Variants in CSNK1G1 observed in about 807,000 individuals in gnomAD.
CSNK1G1 encodes casein kinase I isoform gamma-1.
CSNK1G1 carries 22 observed loss-of-function variants against 59.6 expected under a neutral mutation model. The ratio of observed to expected loss-of-function variants is 0.37; its 90% confidence interval spans 0.26 to 0.53. CSNK1G1 has a LOEUF of 0.53. Among genes scored for constraint, CSNK1G1 ranks in the 20% least tolerant of loss-of-function variants. The probability of loss-of-function intolerance (pLI) is 0.89; values close to 1 mark genes in which losing one functional copy is unlikely to be tolerated. For synonymous variants in CSNK1G1, 179 were observed against 177.1 expected (o/e 1.01, Z -0.08); for missense variants, 384 against 519.5 (o/e 0.74, Z 2.54).
At chr15:64,230,146 C>T (rs954959923) in intron 4 of CSNK1G1, among the ~76,000 whole-genome samples, 3 of 151,356 alleles carry the variant, frequency 2.0e-5, no homozygotes, top group Non-Finnish European at 2.9e-5. Context: ...GATCACCTGA[C>T]GCGCTGGGCC....
chr15:64,354,403 T>C (rs1183749633), intron 1 of CSNK1G1, among the ~76,000 whole-genome samples: 1 of 152,246 alleles, frequency 6.6e-6, no homozygotes, highest in Non-Finnish European at 1.5e-5. Flanking sequence ...TTTACATACA[T>C]TACTTTTTCA....
chr15:64,340,197 C>T (rs1392288261), intron 1 of CSNK1G1, among the ~76,000 whole-genome samples: 2 of 152,148 alleles, frequency 1.3e-5, no homozygotes, highest in East Asian at 1.9e-4. Context: ...TGTTACCTCT[C>T]GCATTACAGA....
rs180901472 is a variant in CSNK1G1, at chr15:64,346,857, T to C, written c.-225+9131A>G. Among the ~76,000 whole-genome samples, 593 of 152,206 alleles carry C rather than the reference T, an allele frequency of 3.9e-3. 7 individuals carry two copies. Among genetic ancestry groups the C allele is most frequent in the African/African-American group, 0.014 (568 of 41,534 alleles). Reference sequence around the variant, plus strand: ...AACTTCTGCACTATGAAAGGCACTATTAAGAGAATAAAAAGACAAGCCATA... The same window carrying C: ...AACTTCTGCACTATGAAAGGCACTACTAAGAGAATAAAAAGACAAGCCATA... On this transcript the variant is annotated intron_variant, in intron 1 of 11. Transcript: ENST00000303052.
Position 64,266,068 on chromosome 15 carries a change from CT to C in CSNK1G1, c.182-6828del, listed in dbSNP as rs528601412. 1.8e-3 allele frequency among the ~76,000 whole-genome samples: 262 copies of C among 145,922 alleles called. 1 individual carries two copies. The highest frequency in any genetic ancestry group is 3.6e-3 in the Admixed American group (52 of 14,554). On this transcript the variant is annotated intron_variant, in intron 2 of 11. Coordinates refer to ENST00000303052, the MANE Select transcript of CSNK1G1 (RefSeq NM_022048.5). Reference sequence around the variant, plus strand: ...GAGGTGACAAAACAAGACCTTGTCTCTTTTTTTTTTTTGGAGACAGAGTCTC... The same window carrying C: ...GAGGTGACAAAACAAGACCTTGTCTCTTTTTTTTTTTGGAGACAGAGTCTC...
intron 11 of CSNK1G1, among the ~76,000 whole-genome samples, chr15:64,178,224 G>A (rs1311262578): frequency 4.6e-5 from 7 of 152,086 alleles, no homozygotes; most frequent in South Asian, 4.1e-4. Context: ...TATGGAAATC[G>A]AAAAACTGTG....
At chr15:64,260,703 ACTCCAG>A (rs1256589599) in intron 2 of CSNK1G1, among the ~76,000 whole-genome samples, 1 of 152,096 alleles carries the variant, frequency 6.6e-6, no homozygotes, top group Non-Finnish European at 1.5e-5. Flanking sequence ...ACACCACTGT[ACTCCAG>A]CCTGGGCAAC....
intron 2 of CSNK1G1, among the ~76,000 whole-genome samples, chr15:64,270,901 T>C (rs927019956): frequency 3.3e-5 from 5 of 152,226 alleles, no homozygotes; most frequent in African/African-American, 1.2e-4. Context: ...GTAGGTTGTT[T>C]AATTTCCATG....
intron 4 of CSNK1G1, among the ~76,000 whole-genome samples, chr15:64,237,446 C>A (rs1372626794): frequency 6.6e-6 from 1 of 152,086 alleles, no homozygotes; most frequent in Non-Finnish European, 1.5e-5. Flanking sequence ...AATTTTCTAC[C>A]CAAATGAAGA....
intron 1 of CSNK1G1, among the ~76,000 whole-genome samples, chr15:64,316,476 C>CA (rs1292023529): frequency 7.4e-6 from 1 of 135,200 alleles, no homozygotes; most frequent in African/African-American, 2.8e-5. Context: ...GTGGAGGGTG[C>CA]AGTAAGCTGA....
In CSNK1G1 at chr15:64,180,461, C is replaced by A; in HGVS notation, c.1108-7G>T. 6.2e-7 allele frequency: 1 copy of A among 1,609,426 alleles called. No individual in the cohort carries two copies. Among genetic ancestry groups the A allele is most frequent in the Non-Finnish European group, 8.5e-7 (1 of 1,175,814 alleles). On this transcript the variant is annotated splice_polypyrimidine_tract_variant and splice_region_variant and intron_variant, in intron 10 of 11. Transcript: ENST00000303052. ...CATTGGTTGAGCTAACCACCTGAAA[C>A]AGAAAGACAGAAGTGTGTGACAGGC...
intron 2 of CSNK1G1, among the ~76,000 whole-genome samples, chr15:64,283,080 T>C (rs540984114): frequency 6.6e-6 from 1 of 152,186 alleles, no homozygotes; most frequent in Non-Finnish European, 1.5e-5. Flanking sequence ...AGGTGATGGG[T>C]GCACCAAAAT....
At chr15:64,349,018 T>C (rs892439334) in intron 1 of CSNK1G1, among the ~76,000 whole-genome samples, 2 of 151,772 alleles carry the variant, frequency 1.3e-5, no homozygotes, top group Admixed American at 6.6e-5. Context: ...GCACCTGTAA[T>C]TCCAGCTACT....
At position 64,167,898 on chromosome 15, in the gene CSNK1G1, A is replaced by G. The variant is rs1044790303; in HGVS notation, c.*4033T>C. 6.6e-6 allele frequency: 1 copy of G among 152,282 alleles called. No homozygotes were observed. Among genetic ancestry groups the G allele is most frequent in the Non-Finnish European group, 1.5e-5 (1 of 68,056 alleles). 9.4% of individuals were successfully genotyped at this position (152,282 alleles called of 1,614,324 possible). A position where few individuals can be genotyped will look rare whatever the true frequency, so the allele number is the denominator to read the frequency against. On this transcript the variant is annotated 3_prime_UTR_variant, in exon 12 of 12. Transcript: ENST00000303052. ...GGAATGGATTTTATCTTTTACATAA[A>G]AAAGTTAAGGCTATAATCTTTAGTA...
chr15:64,202,447 A>T (rs563641113), intron 10 of CSNK1G1, among the ~76,000 whole-genome samples: 1 of 152,026 alleles, frequency 6.6e-6, no homozygotes, highest in Non-Finnish European at 1.5e-5. Flanking sequence ...CTGTGCCCAG[A>T]GTAGCCTCCA....
At chr15:64,203,052 T>C (rs2082128825) in intron 10 of CSNK1G1, 30 bp downstream of exon 10, 2 of 1,486,654 alleles carry the variant, frequency 1.3e-6, no homozygotes, top group African/African-American at 1.4e-5. Context: ...AGAAGGGTAG[T>C]GTCTGAAAGA....
chr15:64,212,128 C>A (rs1034939871), intron 6 of CSNK1G1, among the ~76,000 whole-genome samples: 1 of 152,214 alleles, frequency 6.6e-6, no homozygotes, highest in Non-Finnish European at 1.5e-5. Context: ...GCATTACCCT[C>A]ATTTTACAGA....
At chr15:64,247,252 A>G (rs1018090086) in intron 4 of CSNK1G1, among the ~76,000 whole-genome samples, 5 of 152,240 alleles carry the variant, frequency 3.3e-5, no homozygotes, top group Admixed American at 1.3e-4. Flanking sequence ...TCCCATAAAA[A>G]GAAAAGAAAT....
intron 4 of CSNK1G1, among the ~76,000 whole-genome samples, chr15:64,226,253 T>C (rs1238746418): frequency 6.6e-6 from 1 of 152,142 alleles, no homozygotes; most frequent in Non-Finnish European, 1.5e-5. Flanking sequence ...AGTAAAGTCC[T>C]TTCCCTTTCC....
intron 2 of CSNK1G1, among the ~76,000 whole-genome samples, chr15:64,273,579 A>C (rs1291492420): frequency 6.6e-6 from 1 of 152,146 alleles, no homozygotes; most frequent in African/African-American, 2.4e-5. Flanking sequence ...GGAAAACCTA[A>C]CAACGTTTGG....
Sources: allele counts gnomAD v4.1 joint callset (sites outside exome capture counted in the v4.1 genomes callset), GRCh38; gene constraint gnomAD v4.1.1; transcripts MANE v1.5; gene names NCBI Gene and HGNC (gene_info 2026-07-23, HGNC 2026-07-21).